TUBA4A: variants seen among roughly 807,000 people sequenced by gnomAD.
TUBA4A encodes tubulin alpha 4a.
TUBA4A carries 23 observed loss-of-function variants against 34.3 expected under a neutral mutation model. The observed-to-expected ratio is 0.67, with a 90% CI of 0.48 to 0.95. The LOEUF is 0.95. TUBA4A is among the 40% of genes least tolerant of loss of function. The pLI, the probability that TUBA4A is intolerant of heterozygous loss-of-function variation, is 0.00. For missense variants in TUBA4A, 279 were observed against 599.0 expected (o/e 0.47, Z 5.58); for synonymous variants, 216 against 230.5 (o/e 0.94, Z 0.57).
intron 1 of TUBA4A, chr2:219,253,037 C>A: frequency 1.2e-6 from 1 of 861,916 alleles, no homozygotes; most frequent in Non-Finnish European, 1.8e-6. Context: ...CCAGAGGTGA[C>A]CCGCCTTGTC....
chr2:219,253,153 C>A, intron 1 of TUBA4A: 2 of 1,523,546 alleles, frequency 1.3e-6, no homozygotes, highest in African/African-American at 1.4e-5. Context: ...TTTCGGCCCC[C>A]GCTCCTGGGC....
Position 219,250,036 on chromosome 2 carries a change from G to T in TUBA4A, c.*316C>A, listed in dbSNP as rs183276392. ...ACTGGATTATACTCCTACTTGGAAA[G>T]GAGCTGAAGACTCATCCTTCAACAG... is the stretch of plus-strand genomic sequence containing the variant. On this transcript the variant is annotated 3_prime_UTR_variant, in exon 4 of 4. Coordinates refer to ENST00000248437, the MANE Select transcript of TUBA4A (RefSeq NM_006000.3). The surrounding 1 kb of genome is among the most constrained non-coding windows in gnomAD (Gnocchi z 8.4). 4 of 305,248 alleles carry T rather than the reference G, an allele frequency of 1.3e-5. No homozygotes were observed. The East Asian group carries it at 2.6e-4, about 20-fold the overall frequency. 18.9% of individuals were successfully genotyped at this position (305,248 alleles called of 1,614,324 possible). A position where few individuals can be genotyped will look rare whatever the true frequency, so the allele number is the denominator to read the frequency against.
chr2:219,250,483 G>A lies in TUBA4A; in HGVS notation c.1216C>T (p.His406Tyr). The stretch of plus-strand genomic sequence containing the variant: ...TCCATGCCCTCACCCACATACCAGT[G>A]CACAAACGCCCTCTTGGCATACATC... Reference protein sequence around the residue: ...DLMYAKRAFVHWYVGEGMEEG... With the variant: ...DLMYAKRAFVYWYVGEGMEEG... The change falls in exon 4 of 4, where the codon CAC (histidine) becomes TAC (tyrosine). Residue 406 changes from histidine (H) to tyrosine (Y), a missense_variant. Physicochemically the swap from His to Tyr is moderately conservative, Grantham distance 83. Transcript: ENST00000248437. The surrounding 1 kb of genome is among the most constrained non-coding windows in gnomAD (Gnocchi z 8.4). The A allele has an allele frequency of 6.2e-7, 1 of 1,614,144 alleles. No homozygotes were observed.
At chr2:219,253,764 G>T in intron 1 of TUBA4A, 92 bp downstream of exon 1, 1 of 1,463,114 alleles carries the variant, frequency 6.8e-7, no homozygotes, top group Non-Finnish European at 9.3e-7. Context: ...CGGAACGCCC[G>T]GTGGAGGTCC....
Position 219,251,507 on chromosome 2 carries a change from T to A in TUBA4A, c.375+58A>T, listed in dbSNP as rs1951646684. 20 of 1,576,274 alleles carry A rather than the reference T, an allele frequency of 1.3e-5. No individual in the cohort carries two copies. The East Asian group carries it at 4.5e-4, about 36-fold the overall frequency. ...CCTCCTGAAAGGATCTGAAAAAAAA[T>A]ATTCCTGACCATTAGCACAGTCTCA... On this transcript the variant is annotated intron_variant, in intron 3 of 3. Coordinates refer to ENST00000248437, the MANE Select transcript of TUBA4A (RefSeq NM_006000.3). This position sits in a 1 kb window ranked among gnomAD's most constrained non-coding sequence, Gnocchi z 6.1.
At chr2:219,253,956 G>A (rs886528154), upstream of TUBA4A, 8 of 1,182,454 alleles carry the variant, frequency 6.8e-6, no homozygotes, top group Admixed American at 7.8e-5. Flanking sequence ...TAGGCGGGGG[G>A]GGGGCGGGGC....
chr2:219,249,825 G>A lies in TUBA4A; in HGVS notation c.*527C>T, dbSNP rs1951614802. ...CACAAACAACTCTAGGAGATCGCCT[G>A]TGTTCCCTCCCATCCCCCAAGCTTA... On this transcript the variant is annotated 3_prime_UTR_variant, in exon 4 of 4. Transcript: ENST00000248437. 6.4e-6 allele frequency: 1 copy of A among 155,732 alleles called. No individual in the cohort carries two copies. The highest frequency in any genetic ancestry group is 6.3e-5 in the Admixed American group (1 of 15,936). 9.6% of individuals were successfully genotyped at this position (155,732 alleles called of 1,614,324 possible).
In TUBA4A at chr2:219,250,078, G is replaced by T; in HGVS notation, c.*274C>A. 2.4e-6 allele frequency: 1 copy of T among 411,850 alleles called. No individual in the cohort carries two copies. Among genetic ancestry groups the T allele is most frequent in the Non-Finnish European group, 4.4e-6 (1 of 228,356 alleles). The allele number at this position is 411,850 out of a possible 1,614,324, so 25.5% of individuals were successfully genotyped here. A position where few individuals can be genotyped will look rare whatever the true frequency, so the allele number is the denominator to read the frequency against. On this transcript the variant is annotated 3_prime_UTR_variant, in exon 4 of 4. Transcript: ENST00000248437. This position sits in a 1 kb window ranked among gnomAD's most constrained non-coding sequence, Gnocchi z 8.4. ...CTTCAACAGTTTGTGCCTGGATTTT[G>T]GTCCTCATTTCCTCCCTATACTGAG...
Position 219,250,877 on chromosome 2 carries a change from T to C in TUBA4A, c.822A>G (p.Pro274=), listed in dbSNP as rs752825007. 2 of 1,614,092 alleles carry C rather than the reference T, an allele frequency of 1.2e-6. No homozygotes were observed. The highest frequency in any genetic ancestry group is 1.3e-5 in the African/African-American group (1 of 75,012). The part of the protein sequence containing the change: ...RIHFPLATYA[P]VISAEKAYHE... Reference sequence around the variant, plus strand: ...GGTATGCCTTTTCTGCAGAGATGACTGGTGCATAGGTGGCCAGGGGGAAGT... The same window carrying C: ...GGTATGCCTTTTCTGCAGAGATGACCGGTGCATAGGTGGCCAGGGGGAAGT... Residue 274 remains proline, a synonymous_variant, in exon 4 of 4, where the codon CCA becomes CCG. Coordinates refer to ENST00000248437, the MANE Select transcript of TUBA4A (RefSeq NM_006000.3). This position sits in a 1 kb window ranked among gnomAD's most constrained non-coding sequence, Gnocchi z 8.4.
Position 219,250,600 on chromosome 2 carries a change from C to T in TUBA4A, c.1099G>A (p.Asp367Asn). 1 of 1,614,238 alleles carries T rather than the reference C, an allele frequency of 6.2e-7. No homozygotes were observed. Among genetic ancestry groups the T allele is most frequent in the Non-Finnish European group, 8.5e-7 (1 of 1,180,044 alleles). Residue 367 changes from aspartate to asparagine, a missense_variant, in exon 4 of 4, where the codon GAC becomes AAC. Asp to Asn is a conservative substitution (Grantham distance 23, BLOSUM62 1). Coordinates refer to ENST00000248437, the MANE Select transcript of TUBA4A (RefSeq NM_006000.3). The surrounding 1 kb of genome is among the most constrained non-coding windows in gnomAD (Gnocchi z 8.4). ...YQPPTVVPGG[D>N]LAKVQRAVCM... is the part of the protein sequence containing the mutation. Reference sequence around the variant, plus strand: ...ACGGCACGCTGCACCTTGGCCAGGTCACCCCCAGGCACCACAGTGGGAGGC... The same window carrying T: ...ACGGCACGCTGCACCTTGGCCAGGTTACCCCCAGGCACCACAGTGGGAGGC...
Position 219,252,412 on chromosome 2 carries a change from C to T in TUBA4A, c.4-182G>A, listed in dbSNP as rs990349294. ...TGCCCGGGCTCCCAGGTACAGGACT[C>T]CCCACCTGGAGGCACCCAGCAATGC... On this transcript the variant is annotated intron_variant, in intron 1 of 3. Coordinates refer to ENST00000248437, the MANE Select transcript of TUBA4A (RefSeq NM_006000.3). This position sits in a 1 kb window ranked among gnomAD's most constrained non-coding sequence, Gnocchi z 4.1. 6.6e-6 allele frequency among the ~76,000 whole-genome samples: 1 copy of T among 152,078 alleles called. No individual in the cohort carries two copies.
chr2:219,251,403 A>G lies in TUBA4A; in HGVS notation c.376-80T>C, dbSNP rs184837540. The stretch of plus-strand genomic sequence containing the variant: ...TCTATCACCTGGCTCCATAAAGCGT[A>G]AGATACATCAGCAGTCAGGGCAAAT... On this transcript the variant is annotated intron_variant, in intron 3 of 3. Coordinates refer to ENST00000248437, the MANE Select transcript of TUBA4A (RefSeq NM_006000.3). This position sits in a 1 kb window ranked among gnomAD's most constrained non-coding sequence, Gnocchi z 6.1. The G allele has an allele frequency of 1.3e-6, 2 of 1,542,934 alleles. No individual in the cohort carries two copies. Among genetic ancestry groups the G allele is most frequent in the East Asian group, 2.3e-5 (1 of 44,294 alleles).
rs1015740717 is a variant in TUBA4A at position 219,250,296 on chromosome 2, G to C, written c.*56C>G. Reference sequence around the variant, plus strand: ...GAACAAGAAACCGTGCAAGGAAACTGTTTATTTCGAAAGGATTTTGCAATA... The same window carrying C: ...GAACAAGAAACCGTGCAAGGAAACTCTTTATTTCGAAAGGATTTTGCAATA... On this transcript the variant is annotated 3_prime_UTR_variant, in exon 4 of 4. Transcript: ENST00000248437. The surrounding 1 kb of genome is among the most constrained non-coding windows in gnomAD (Gnocchi z 8.4). 6.5e-7 allele frequency: 1 copy of C among 1,549,702 alleles called. No homozygotes were observed. The highest frequency in any genetic ancestry group is 8.7e-7 in the Non-Finnish European group (1 of 1,147,784).
rs1326673750 is a variant in TUBA4A at position 219,252,862 on chromosome 2, TTGAGGGTAC to T, written c.4-641_4-633del. On this transcript the variant is annotated intron_variant, in intron 1 of 3. Transcript: ENST00000248437. The surrounding 1 kb of genome is among the most constrained non-coding windows in gnomAD (Gnocchi z 4.1). ...AGACAGCAGGGGCCAGCAATAAGGT[TTGAGGGTAC>T]TGGGGCGCTCACTGCCTTAGGCTCC... 3.5e-4 allele frequency: 166 copies of T among 472,372 alleles called. 4 individuals carry two copies. The highest frequency in any genetic ancestry group is 2.5e-3 in the South Asian group (160 of 64,554). 29.3% of individuals were successfully genotyped at this position (472,372 alleles called of 1,614,324 possible). A position where few individuals can be genotyped will look rare whatever the true frequency, so the allele number is the denominator to read the frequency against.
rs1399496855 is a variant in TUBA4A at position 219,250,004 on chromosome 2, A to C, written c.*348T>G. 1.4e-5 allele frequency: 3 copies of C among 222,046 alleles called. No individual in the cohort carries two copies. 13.8% of individuals were successfully genotyped at this position (222,046 alleles called of 1,614,324 possible). A position where few individuals can be genotyped will look rare whatever the true frequency, so the allele number is the denominator to read the frequency against. ...GGGTAGCAGTCTAACTTTCAAAGAC[A>C]GAAACCACTGGATTATACTCCTACT... On this transcript the variant is annotated 3_prime_UTR_variant, in exon 4 of 4. Coordinates refer to ENST00000248437, the MANE Select transcript of TUBA4A (RefSeq NM_006000.3). The surrounding 1 kb of genome is among the most constrained non-coding windows in gnomAD (Gnocchi z 8.4).
At chr2:219,253,154 G>C (rs999023327) in intron 1 of TUBA4A, 1 of 1,520,096 alleles carries the variant, frequency 6.6e-7, no homozygotes, top group East Asian at 2.5e-5. Context: ...TTCGGCCCCC[G>C]CTCCTGGGCT....
chr2:219,250,996 C>A lies in TUBA4A; in HGVS notation c.703G>T (p.Val235Phe), dbSNP rs1472090335. The change falls in exon 4 of 4, where the codon GTC becomes TTC. Residue 235 changes from valine (V) to phenylalanine (F), a missense_variant. Around this residue, in one of 3 missense-constraint regions of TUBA4A, gnomAD observed 108 missense variants for 299.9 expected, o/e 0.36. Coordinates refer to ENST00000248437, the MANE Select transcript of TUBA4A (RefSeq NM_006000.3). The surrounding 1 kb of genome is among the most constrained non-coding windows in gnomAD (Gnocchi z 8.4). The part of the protein sequence containing the change: ...TNLNRLISQI[V>F]SSITASLRFD... ...CGCAGAGAAGCTGTGATGGAGGAGACAATTTGGCTAATGAGGCGATTGAGG... is the reference window on the plus strand; with the variant it reads ...CGCAGAGAAGCTGTGATGGAGGAGAAAATTTGGCTAATGAGGCGATTGAGG... 1 of 1,614,014 alleles carries A rather than the reference C, an allele frequency of 6.2e-7. No individual in the cohort carries two copies. The highest frequency in any genetic ancestry group is 8.5e-7 in the Non-Finnish European group (1 of 1,180,042).
intron 1 of TUBA4A, chr2:219,253,184 T>G (rs1381735838): frequency 2.5e-5 from 37 of 1,507,550 alleles, no homozygotes; most frequent in African/African-American, 4.3e-5. Context: ...ACCCCCTACA[T>G]GCACCTCTCT....
In TUBA4A at chr2:219,251,720, G is replaced by A. The variant is rs749784065; in HGVS notation, c.227-7C>T. 5 of 1,610,814 alleles carry A rather than the reference G, an allele frequency of 3.1e-6. No individual in the cohort carries two copies. The highest frequency in any genetic ancestry group is 2.7e-5 in the African/African-American group (2 of 74,802). Reference sequence around the variant, plus strand: ...GGGCCATTTCGGATCTCATCTGGAAGGGCAAAAACCACAAAGCTATGCTCA... The same window carrying A: ...GGGCCATTTCGGATCTCATCTGGAAAGGCAAAAACCACAAAGCTATGCTCA... On this transcript the variant is annotated splice_polypyrimidine_tract_variant and splice_region_variant and intron_variant, in intron 2 of 3. Coordinates refer to ENST00000248437, the MANE Select transcript of TUBA4A (RefSeq NM_006000.3). This position sits in a 1 kb window ranked among gnomAD's most constrained non-coding sequence, Gnocchi z 6.1.
Sources: gnomAD v4.1 joint callset for allele counts (sites outside exome capture counted in the v4.1 genomes callset) on GRCh38, gnomAD v4.1.1 for gene constraint, gnomAD v4.1.1 regional missense constraint, Gnocchi (gnomAD v3.1) non-coding constraint, MANE v1.5 for transcripts, NCBI Gene and HGNC (gene_info 2026-07-23, HGNC 2026-07-21) for gene names.